NPSR1: variants seen among roughly 807,000 people sequenced by gnomAD.
NPSR1 encodes neuropeptide S receptor 1.
NPSR1 carries 48 observed loss-of-function variants against 46.9 expected under a neutral mutation model. The ratio of observed to expected loss-of-function variants is 1.02; its 90% CI spans 0.81 to 1.30. The LOEUF is 1.30. Among genes scored for constraint, NPSR1 ranks in the 50% most tolerant of loss-of-function variants. The probability of loss-of-function intolerance (pLI) is 0.00; values close to 1 mark genes in which losing one functional copy is unlikely to be tolerated. For synonymous variants in NPSR1, 176 were observed against 168.1 expected (o/e 1.05, Z -0.36); for missense variants, 450 against 449.5 (o/e 1.00, Z -0.01).
chr7:34,682,992 C>T (rs930012874), intron 1 of NPSR1, among the ~76,000 whole-genome samples: 1 of 152,130 alleles, frequency 6.6e-6, no homozygotes, highest in Admixed American at 6.5e-5. Context: ...CCTCATCCTC[C>T]CCCCACATCA....
intron 2 of NPSR1, among the ~76,000 whole-genome samples, chr7:34,757,682 C>T (rs1247366525): frequency 6.6e-6 from 1 of 152,190 alleles, no homozygotes; most frequent in Non-Finnish European, 1.5e-5. Context: ...CTAGGCTGGG[C>T]ATTGCTTCCT....
intron 1 of NPSR1, among the ~76,000 whole-genome samples, chr7:34,679,948 A>G (rs2128680719): frequency 6.6e-6 from 1 of 152,232 alleles, no homozygotes; most frequent in East Asian, 1.9e-4. Context: ...AAAAAATATC[A>G]AAAATTGATC....
At chr7:34,744,000 T>A (rs1042320641) in intron 2 of NPSR1, among the ~76,000 whole-genome samples, 13 of 152,166 alleles carry the variant, frequency 8.5e-5, no homozygotes, top group African/African-American at 3.1e-4. Context: ...TTAGGTCAAG[T>A]TTGTTTGCTG....
chr7:34,805,604 A>C (rs925894462), intron 3 of NPSR1, among the ~76,000 whole-genome samples: 6 of 151,880 alleles, frequency 4.0e-5, no homozygotes, highest in Non-Finnish European at 7.4e-5. Context: ...AAGATAACAT[A>C]GGAGAAGATT....
intron 1 of NPSR1, among the ~76,000 whole-genome samples, chr7:34,669,334 G>T (rs182451422): frequency 6.6e-6 from 1 of 152,148 alleles, no homozygotes; most frequent in African/African-American, 2.4e-5. Flanking sequence ...AGATCAAAGC[G>T]GGTGGATCAT....
intron 2 of NPSR1, among the ~76,000 whole-genome samples, chr7:34,699,028 C>A (rs559165438): frequency 3.3e-5 from 5 of 152,270 alleles, no homozygotes; most frequent in Non-Finnish European, 7.4e-5. Context: ...AAGATAAGCA[C>A]ATATTCATAT....
intron 2 of NPSR1, among the ~76,000 whole-genome samples, chr7:34,776,482 T>C (rs1786963514): frequency 1.3e-5 from 2 of 152,192 alleles, no homozygotes; most frequent in South Asian, 4.1e-4. Context: ...ATAGTTTTTG[T>C]CTTGAAATCT....
chr7:34,831,694 TC>T (rs1210441141), intron 5 of NPSR1, among the ~76,000 whole-genome samples: 1 of 152,152 alleles, frequency 6.6e-6, no homozygotes, highest in Non-Finnish European at 1.5e-5. Flanking sequence ...GACATAACTG[TC>T]TAATTGTTGC....
At chr7:34,777,625 C>T (rs1679164855) in intron 2 of NPSR1, among the ~76,000 whole-genome samples, 1 of 151,496 alleles carries the variant, frequency 6.6e-6, no homozygotes. Flanking sequence ...AGTGTCCTTG[C>T]TGAGGGAGGA....
intron 8 of NPSR1, among the ~76,000 whole-genome samples, chr7:34,863,406 TGCACA>T (rs1791235761): frequency 6.6e-6 from 1 of 151,824 alleles, no homozygotes; most frequent in Non-Finnish European, 1.5e-5. Flanking sequence ...AAAGAGCTTC[TGCACA>T]GCAAAAGAAA....
At chr7:34,666,651 G>A (rs959982703) in intron 1 of NPSR1, among the ~76,000 whole-genome samples, 2 of 152,136 alleles carry the variant, frequency 1.3e-5, no homozygotes, top group African/African-American at 2.4e-5. Context: ...TTAAGCCACT[G>A]CTAAGCTGAA....
intron 8 of NPSR1, among the ~76,000 whole-genome samples, chr7:34,868,204 G>C (rs1016168545): frequency 1.3e-5 from 2 of 151,636 alleles, no homozygotes; most frequent in African/African-American, 4.9e-5. Flanking sequence ...CCCTTTCAGC[G>C]ATAGCCAAAA....
chr7:34,731,831 G>A (rs775885057), intron 2 of NPSR1, among the ~76,000 whole-genome samples: 7 of 152,038 alleles, frequency 4.6e-5, no homozygotes, highest in South Asian at 2.1e-4. Context: ...TGAATAGAAC[G>A]TGTGAAAAGA....
intron 3 of NPSR1, among the ~76,000 whole-genome samples, chr7:34,779,049 C>T (rs1186847595): frequency 6.6e-6 from 1 of 151,896 alleles, no homozygotes; most frequent in African/African-American, 2.4e-5. Context: ...CTCAAATTTC[C>T]TATTTTCCTT....
chr7:34,737,217 T>C (rs1784720401), intron 2 of NPSR1, among the ~76,000 whole-genome samples: 1 of 152,180 alleles, frequency 6.6e-6, no homozygotes, highest in Non-Finnish European at 1.5e-5. Flanking sequence ...CATCTTCTCA[T>C]GTTTTAGACA....
At chr7:34,695,108 C>T (rs1400048302) in intron 2 of NPSR1, among the ~76,000 whole-genome samples, 2 of 152,100 alleles carry the variant, frequency 1.3e-5, no homozygotes, top group African/African-American at 4.8e-5. Context: ...GATACTGGTA[C>T]AAAAATAGAC....
intron 2 of NPSR1, among the ~76,000 whole-genome samples, chr7:34,772,088 T>C (rs577427611): frequency 6.6e-6 from 1 of 152,196 alleles, no homozygotes. Flanking sequence ...ATAAAAGTTT[T>C]ATTTTGTTTT....
At chr7:34,802,017 A>C (rs1185027592) in intron 3 of NPSR1, among the ~76,000 whole-genome samples, 4 of 149,466 alleles carry the variant, frequency 2.7e-5, no homozygotes, top group Non-Finnish European at 5.9e-5. Flanking sequence ...AGTGACGTGA[A>C]GGACCTCTTC....
rs62462886 is a variant in NPSR1 at position 34,757,059 on chromosome 7, G to A, written c.281-21403G>A. 7.8e-3 allele frequency among the ~76,000 whole-genome samples: 1,182 copies of A among 152,218 alleles called. 10 individuals are homozygous for A. Among genetic ancestry groups the A allele is most frequent in the Non-Finnish European group, 0.013 (867 of 68,028 alleles). ...TTGAGTTTGATGCTTCCTGTTGTACGCAAAAATTGCCATGTTGGTTCGATG... is the reference window on the plus strand; with the variant it reads ...TTGAGTTTGATGCTTCCTGTTGTACACAAAAATTGCCATGTTGGTTCGATG... On this transcript the variant is annotated intron_variant, in intron 2 of 8. Transcript: ENST00000360581.
Sources: allele counts gnomAD v4.1 joint callset (sites outside exome capture counted in the v4.1 genomes callset), GRCh38; gene constraint gnomAD v4.1.1; transcripts MANE v1.5; gene names NCBI Gene and HGNC (gene_info 2026-07-23, HGNC 2026-07-21).